The following WARS2 variants were observed in gnomAD, a reference collection of about 807,000 sequenced individuals.
WARS2 encodes tryptophanyl tRNA synthetase 2, mitochondrial, also known as tryptophan--tRNA ligase, mitochondrial.
In WARS2, 28 loss-of-function variants were observed where a neutral mutation model predicts 36.5. The observed-to-expected ratio is 0.77, with a 90% CI of 0.57 to 1.05. The LOEUF is 1.05. WARS2 is among the 50% of genes least tolerant of loss of function. WARS2 has a pLI of 0.00. For missense variants in WARS2, 435 were observed against 456.8 expected (o/e 0.95, Z 0.44); for synonymous variants, 174 against 178.4 (o/e 0.98, Z 0.20).
intron 1 of WARS2, among the ~76,000 whole-genome samples, chr1:119,086,571 C>A (rs1293523177): frequency 1.3e-5 from 2 of 152,086 alleles, no homozygotes; most frequent in Non-Finnish European, 2.9e-5. Context: ...GCTCTTTTGA[C>A]CTCACCCCAG....
intron 1 of WARS2, among the ~76,000 whole-genome samples, chr1:119,117,599 C>T (rs587719985): frequency 2.6e-5 from 4 of 152,332 alleles, no homozygotes; most frequent in Non-Finnish European, 4.4e-5. Context: ...AGTCTGTTCA[C>T]GTGACAACTT....
chr1:119,088,355 C>G (rs1652815951), intron 1 of WARS2, among the ~76,000 whole-genome samples: 1 of 151,254 alleles, frequency 6.6e-6, no homozygotes, highest in African/African-American at 2.4e-5. Flanking sequence ...TAACATGAAG[C>G]CATGAATGAG....
chr1:119,095,249 C>A (rs894195589), intron 1 of WARS2, among the ~76,000 whole-genome samples: 2 of 152,110 alleles, frequency 1.3e-5, no homozygotes, highest in African/African-American at 2.4e-5. Context: ...AACAGAAATC[C>A]ATTGTGAGAC....
intron 2 of WARS2, among the ~76,000 whole-genome samples, chr1:119,066,994 A>C (rs1192307030): frequency 6.6e-6 from 1 of 152,178 alleles, no homozygotes; most frequent in Non-Finnish European, 1.5e-5. Flanking sequence ...AAAAATCCAA[A>C]TATCCTTTGC....
intron 3 of WARS2, among the ~76,000 whole-genome samples, chr1:119,045,040 G>A (rs546940720): frequency 2.6e-5 from 4 of 152,232 alleles, no homozygotes; most frequent in South Asian, 2.1e-4. Context: ...GGGGTTATCC[G>A]ACTGCAAAAA....
At chr1:119,134,903 T>C (rs1656378024) in intron 1 of WARS2, among the ~76,000 whole-genome samples, 1 of 152,178 alleles carries the variant, frequency 6.6e-6, no homozygotes, top group Non-Finnish European at 1.5e-5. Context: ...AAGTGTTCTC[T>C]GTGAGGAGGC....
chr1:119,124,495 T>C (rs781493040), intron 1 of WARS2, among the ~76,000 whole-genome samples: 19 of 150,896 alleles, frequency 1.3e-4, no homozygotes, highest in Non-Finnish European at 2.1e-4. Context: ...GTCTCAAAAA[T>C]TGGAATGAAA....
At chr1:119,060,707 A>C (rs747611936) in intron 2 of WARS2, among the ~76,000 whole-genome samples, 10 of 152,188 alleles carry the variant, frequency 6.6e-5, no homozygotes, top group Non-Finnish European at 1.3e-4. Context: ...AATGGATAAC[A>C]CGGAGTAAGT....
At chr1:119,137,076 G>A (rs374027094) in intron 1 of WARS2, among the ~76,000 whole-genome samples, 2 of 152,222 alleles carry the variant, frequency 1.3e-5, no homozygotes, top group South Asian at 4.1e-4. Context: ...GTGGGACCCT[G>A]GATTTGATCT....
At chr1:119,134,881 A>G (rs142688664) in intron 1 of WARS2, among the ~76,000 whole-genome samples, 64 of 152,320 alleles carry the variant, frequency 4.2e-4, no homozygotes, top group African/African-American at 1.5e-3. Context: ...GAGTCAAGAA[A>G]AGAACTAGAG....
At chr1:119,127,810 C>G (rs1334804614) in intron 1 of WARS2, among the ~76,000 whole-genome samples, 1 of 152,136 alleles carries the variant, frequency 6.6e-6, no homozygotes, top group Non-Finnish European at 1.5e-5. Context: ...TTGTCAATCT[C>G]TCTATCTTTA....
intron 1 of WARS2, among the ~76,000 whole-genome samples, chr1:119,131,949 G>A (rs960083224): frequency 2.6e-5 from 4 of 152,004 alleles, no homozygotes; most frequent in Non-Finnish European, 5.9e-5. Flanking sequence ...CCTACTAAGA[G>A]TGATAAGAGT....
At chr1:119,103,407 T>C (rs191428242) in intron 1 of WARS2, among the ~76,000 whole-genome samples, 2 of 152,244 alleles carry the variant, frequency 1.3e-5, no homozygotes, top group Non-Finnish European at 2.9e-5. Flanking sequence ...TCAAGAGCTT[T>C]GGGCTTAATC....
At chr1:119,124,034 T>G (rs1216492352) in intron 1 of WARS2, among the ~76,000 whole-genome samples, 1 of 152,170 alleles carries the variant, frequency 6.6e-6, no homozygotes. Context: ...CCCCTGATCT[T>G]CCCTCCCAAA....
rs556826699 is a variant in WARS2, at chr1:119,059,476, T to G, written c.349-13814A>C. 1.2e-4 allele frequency among the ~76,000 whole-genome samples: 18 copies of G among 146,416 alleles called. No homozygotes were observed. In the South Asian group the frequency reaches 4.0e-3, roughly 32 times the overall value. On this transcript the variant is annotated intron_variant, in intron 2 of 5. Transcript: ENST00000235521. Reference sequence around the variant, plus strand: ...AGTCTTTAATCCATCTTGAATTGATTTTTGTATAAGGTGTAAGGAAGGGAT... The same window carrying G: ...AGTCTTTAATCCATCTTGAATTGATGTTTGTATAAGGTGTAAGGAAGGGAT...
Position 119,032,115 on chromosome 1 carries a change from C to T in WARS2, c.*796G>A, listed in dbSNP as rs1485732441. Reference sequence around the variant, plus strand: ...CTCTTATGGAGTGATATCGTACAAGCTAATTGGATTCTCTCAGCCTCACTT... The same window carrying T: ...CTCTTATGGAGTGATATCGTACAAGTTAATTGGATTCTCTCAGCCTCACTT... On this transcript the variant is annotated 3_prime_UTR_variant, in exon 6 of 6. Coordinates refer to ENST00000235521, the MANE Select transcript of WARS2 (RefSeq NM_015836.4). 1 of 152,020 alleles carries T rather than the reference C, an allele frequency of 6.6e-6. No homozygotes were observed. The highest frequency in any genetic ancestry group is 2.4e-5 in the African/African-American group (1 of 41,420). The allele number at this position is 152,020 out of a possible 1,614,324, so 9.4% of individuals were successfully genotyped here.
chr1:119,104,563 CAT>C (rs1475705264), intron 1 of WARS2, among the ~76,000 whole-genome samples: 1 of 143,138 alleles, frequency 7.0e-6, no homozygotes, highest in East Asian at 2.0e-4. Flanking sequence ...CATAAAGAGA[CAT>C]GTAAAAAATA....
intron 1 of WARS2, among the ~76,000 whole-genome samples, chr1:119,135,854 A>C (rs2487666): frequency 0.86 from 131,054 of 152,052 alleles, 56,579 homozygotes; most frequent in East Asian, 0.89. Flanking sequence ...CTGCTCACTG[A>C]AGCCTTCCTG....
intron 1 of WARS2, among the ~76,000 whole-genome samples, chr1:119,081,361 G>C (rs1652181139): frequency 6.6e-6 from 1 of 152,158 alleles, no homozygotes; most frequent in South Asian, 2.1e-4. Flanking sequence ...TACTAGCTTT[G>C]AAACACTTTC....
Sources: gnomAD v4.1 joint callset for allele counts (sites outside exome capture counted in the v4.1 genomes callset) on GRCh38, gnomAD v4.1.1 for gene constraint, MANE v1.5 for transcripts, NCBI Gene and HGNC (gene_info 2026-07-23, HGNC 2026-07-21) for gene names.